The following SYK variants were observed in gnomAD, a reference collection of about 807,000 sequenced individuals.
SYK encodes spleen associated tyrosine kinase, also known as tyrosine-protein kinase SYK.
SYK carries 16 observed loss-of-function variants against 77.8 expected under a neutral mutation model. That is an observed-to-expected ratio of 0.21 (90% CI 0.14 to 0.31). The LOEUF (loss-of-function observed/expected upper bound fraction) is 0.31, where lower values mean the gene tolerates loss of function less well. Ranked by LOEUF, SYK falls within the 10% of genes least tolerant of loss-of-function variation. SYK has a pLI of 1.00. For missense variants in SYK, 529 were observed against 814.4 expected (o/e 0.65, Z 4.26); for synonymous variants, 312 against 308.7 (o/e 1.01, Z -0.11).
intron 12 of SYK, 59 bp downstream of exon 12, chr9:90,887,948 A>G (rs956635485): frequency 1.4e-6 from 2 of 1,472,550 alleles, no homozygotes; most frequent in African/African-American, 2.9e-5. Flanking sequence ...TAAGCACCAG[A>G]TTGTCTTTAC....
At chr9:90,817,263 T>C (rs1446039410) in intron 1 of SYK, among the ~76,000 whole-genome samples, 2 of 152,180 alleles carry the variant, frequency 1.3e-5, no homozygotes, top group Non-Finnish European at 2.9e-5. Flanking sequence ...CTTTTTTTAT[T>C]TCTGGAAATT....
intron 2 of SYK, among the ~76,000 whole-genome samples, chr9:90,844,922 T>C (rs759396602): frequency 2.1e-4 from 31 of 150,058 alleles, no homozygotes; most frequent in Non-Finnish European, 3.6e-4. Context: ...GCAAAGGATA[T>C]GTGTGTTTAT....
intron 3 of SYK, among the ~76,000 whole-genome samples, chr9:90,861,097 A>T (rs914929): frequency 0.59 from 89,455 of 151,960 alleles, 28,005 homozygotes; most frequent in East Asian, 0.95. Flanking sequence ...AGAATGGGGC[A>T]GTGTGTGTGA....
chr9:90,814,650 C>G (rs1025512580), intron 1 of SYK, among the ~76,000 whole-genome samples: 3 of 152,198 alleles, frequency 2.0e-5, no homozygotes, highest in African/African-American at 7.2e-5. Flanking sequence ...ACACTCGCCA[C>G]TATTTCATGT....
intron 3 of SYK, among the ~76,000 whole-genome samples, chr9:90,848,862 G>A (rs1826703374): frequency 6.6e-6 from 1 of 152,248 alleles, no homozygotes; most frequent in African/African-American, 2.4e-5. Context: ...GGGTATGGAT[G>A]CTGGGTCTTC....
At chr9:90,806,254 A>C (rs906793600) in intron 1 of SYK, among the ~76,000 whole-genome samples, 1 of 152,142 alleles carries the variant, frequency 6.6e-6, no homozygotes, top group Non-Finnish European at 1.5e-5. Flanking sequence ...TATACCAAGT[A>C]ATCTCACGGT....
rs537122975 is a variant in SYK at position 90,835,660 on chromosome 9, A to G, written c.-41-8198A>G. Among the ~76,000 whole-genome samples, 70 of 152,304 alleles carry G rather than the reference A, an allele frequency of 4.6e-4. No individual in the cohort carries two copies. In the South Asian group the frequency reaches 0.015, roughly 32 times the overall value. On this transcript the variant is annotated intron_variant, in intron 1 of 13. Coordinates refer to ENST00000375754, the MANE Select transcript of SYK (RefSeq NM_003177.7). ...AGTGTTTTCCAACAGAAGCATCGGC[A>G]CACATTGGAGTGAGTTCCCTTCCCT... is the stretch of plus-strand genomic sequence containing the variant.
intron 7 of SYK, among the ~76,000 whole-genome samples, chr9:90,869,538 A>G (rs1827647959): frequency 6.6e-6 from 1 of 152,216 alleles, no homozygotes; most frequent in African/African-American, 2.4e-5. Context: ...CCATTATGTA[A>G]TCAGTCATGA....
intron 7 of SYK, among the ~76,000 whole-genome samples, chr9:90,868,768 A>G (rs1376365999): frequency 6.6e-6 from 1 of 152,220 alleles, no homozygotes; most frequent in Non-Finnish European, 1.5e-5. Context: ...AAATGATGCA[A>G]TCTGTAAGAA....
chr9:90,803,268 A>T (rs1438710835), intron 1 of SYK, among the ~76,000 whole-genome samples: 1 of 152,122 alleles, frequency 6.6e-6, no homozygotes, highest in Non-Finnish European at 1.5e-5. Flanking sequence ...TTTGAATGAG[A>T]GATTATAATC....
chr9:90,896,603 C>A lies in SYK; in HGVS notation c.*1003C>A, dbSNP rs1828998489. ...GTATTAATTCAGAACAAGCCAAAGA[C>A]CCTGAGCCTCACCACAAACAGGCCT... On this transcript the variant is annotated 3_prime_UTR_variant, in exon 14 of 14. Coordinates refer to ENST00000375754, the MANE Select transcript of SYK (RefSeq NM_003177.7). 1 of 232,530 alleles carries A rather than the reference C, an allele frequency of 4.3e-6. No homozygotes were observed. The highest frequency in any genetic ancestry group is 8.5e-6 in the Non-Finnish European group (1 of 117,646). The allele number at this position is 232,530 out of a possible 1,614,324, so 14.4% of individuals were successfully genotyped here.
chr9:90,873,892 G>A (rs1051286561), intron 7 of SYK, among the ~76,000 whole-genome samples: 1 of 152,194 alleles, frequency 6.6e-6, no homozygotes, highest in African/African-American at 2.4e-5. Flanking sequence ...GTGGGAATAG[G>A]ATGTGCAAGG....
rs965687140 is a variant in SYK, at chr9:90,896,733, G to A, written c.*1133G>A. ...GATCTTTAAGAAGTCATCACCCATT[G>A]ATTTCAGTTTTGCTGTACCTCTTGA... On this transcript the variant is annotated 3_prime_UTR_variant, in exon 14 of 14. Transcript: ENST00000375754. 7 of 229,662 alleles carry A rather than the reference G, an allele frequency of 3.0e-5. No homozygotes were observed. Among genetic ancestry groups the A allele is most frequent in the Non-Finnish European group, 6.0e-5 (7 of 115,896 alleles). 14.2% of individuals were successfully genotyped at this position (229,662 alleles called of 1,614,324 possible). A position where few individuals can be genotyped will look rare whatever the true frequency, so the allele number is the denominator to read the frequency against.
chr9:90,831,821 C>G (rs1190892378), intron 1 of SYK, among the ~76,000 whole-genome samples: 1 of 152,148 alleles, frequency 6.6e-6, no homozygotes, highest in East Asian at 1.9e-4. Context: ...CCCATTTAGT[C>G]CATGGTTTTT....
chr9:90,884,785 A>G lies in SYK; in HGVS notation c.1582-2964A>G, dbSNP rs1166708773. 1.2e-4 allele frequency among the ~76,000 whole-genome samples: 3 copies of G among 25,870 alleles called. 1 individual carries two copies. The highest frequency in any genetic ancestry group is 1.9e-4 in the Non-Finnish European group (3 of 15,470). The allele number at this position is 25,870 out of a possible 152,430, so 17.0% of individuals were successfully genotyped here. ...TGTACATGCACATATACACATGTGT[A>G]CATGCACATATACACATATGTGTAC... On this transcript the variant is annotated intron_variant, in intron 11 of 13. Transcript: ENST00000375754.
At chr9:90,805,552 G>A (rs1023818291) in intron 1 of SYK, among the ~76,000 whole-genome samples, 2 of 152,210 alleles carry the variant, frequency 1.3e-5, no homozygotes, top group African/African-American at 4.8e-5. Flanking sequence ...AATATCCACA[G>A]TTTAAATATT....
intron 3 of SYK, among the ~76,000 whole-genome samples, chr9:90,848,428 T>C (rs1162446077): frequency 6.6e-6 from 1 of 152,234 alleles, no homozygotes; most frequent in African/African-American, 2.4e-5. Flanking sequence ...GTCCCAGACC[T>C]GGTTTTGAAT....
chr9:90,826,978 C>T (rs920364175), intron 1 of SYK, among the ~76,000 whole-genome samples: 2 of 151,946 alleles, frequency 1.3e-5, no homozygotes, highest in African/African-American at 2.4e-5. Context: ...TTTTCAGTCT[C>T]CTGGCTGGCA....
At chr9:90,849,904 G>A (rs928546184) in intron 3 of SYK, among the ~76,000 whole-genome samples, 2 of 152,244 alleles carry the variant, frequency 1.3e-5, no homozygotes, top group African/African-American at 2.4e-5. Context: ...GCTTGGCACC[G>A]AACGAAGCAG....
Sources: allele counts gnomAD v4.1 joint callset (sites outside exome capture counted in the v4.1 genomes callset), GRCh38; gene constraint gnomAD v4.1.1; transcripts MANE v1.5; gene names NCBI Gene and HGNC (gene_info 2026-07-23, HGNC 2026-07-21).